The following CRTAM variants were observed in gnomAD, a reference collection of about 807,000 sequenced individuals.
CRTAM encodes cytotoxic and regulatory T-cell molecule.
CRTAM carries 44 observed loss-of-function variants against 50.0 expected under a neutral mutation model. The observed-to-expected ratio is 0.88, with a 90% CI of 0.69 to 1.13. The LOEUF is 1.13. CRTAM is among the 50% of genes most tolerant of loss of function. CRTAM has a pLI of 0.00. For missense variants in CRTAM, 448 were observed against 457.5 expected, an observed-to-expected ratio of 0.98 and a Z score of 0.19; for synonymous variants, 159 against 169.3, an observed-to-expected ratio of 0.94 and a Z score of 0.47.
chr11:122,853,107 G>A (rs558675893), intron 3 of CRTAM, among the ~76,000 whole-genome samples: 114 of 150,696 alleles, frequency 7.6e-4, no homozygotes, highest in African/African-American at 2.6e-3. Context: ...TCTGTTGCCC[G>A]GGCTGGAGTG....
intron 6 of CRTAM, among the ~76,000 whole-genome samples, chr11:122,863,861 T>C (rs2135251244): frequency 6.6e-6 from 1 of 152,182 alleles, no homozygotes; most frequent in African/African-American, 2.4e-5. Flanking sequence ...TTACATTTAA[T>C]ACCCATTTTC....
intron 5 of CRTAM, among the ~76,000 whole-genome samples, chr11:122,856,260 AAC>A (rs1243272556): frequency 3.3e-5 from 5 of 152,244 alleles, no homozygotes; most frequent in African/African-American, 9.6e-5. Context: ...GTGAATATGA[AAC>A]ACACAGATAC....
Position 122,864,719 on chromosome 11 carries a change from GGTAA to G in CRTAM, c.817+3_817+6del, listed in dbSNP as rs1257575512. The G allele has an allele frequency of 1.9e-6, 3 of 1,606,964 alleles. No homozygotes were observed. Among genetic ancestry groups the G allele is most frequent in the African/African-American group, 1.3e-5 (1 of 74,886 alleles). On this transcript the variant is annotated splice_donor_variant and splice_donor_region_variant and intron_variant, in intron 7 of 9. Coordinates refer to ENST00000227348, the MANE Select transcript of CRTAM (RefSeq NM_019604.4). LOFTEE classifies it high-confidence loss of function. Reference sequence around the variant, plus strand: ...CACTCAAGATCCTGACTTGACCACCGGTAAGTGTCACCCACTGCATTTAGAATAA... The same window carrying G: ...CACTCAAGATCCTGACTTGACCACCGGTGTCACCCACTGCATTTAGAATAA...
At chr11:122,846,545 T>C (rs1422463298) in intron 1 of CRTAM, among the ~76,000 whole-genome samples, 1 of 152,070 alleles carries the variant, frequency 6.6e-6, no homozygotes, top group African/African-American at 2.4e-5. Flanking sequence ...CACTTCGGCC[T>C]CCCAAAGTAC....
At chr11:122,848,988 G>C (rs1293732670) in intron 1 of CRTAM, among the ~76,000 whole-genome samples, 1 of 152,096 alleles carries the variant, frequency 6.6e-6, no homozygotes, top group Non-Finnish European at 1.5e-5. Flanking sequence ...AGAACAAATT[G>C]TTCATCATTC....
chr11:122,867,340 AT>A, intron 7 of CRTAM, 68 bp from the exon 8 acceptor site: 1 of 1,330,170 alleles, frequency 7.5e-7, no homozygotes, highest in Non-Finnish European at 1.0e-6. Flanking sequence ...GTATTGTTAC[AT>A]ATTCTCCAGT....
In CRTAM at chr11:122,851,798, A is replaced by T. The variant is rs371737760; in HGVS notation, c.299A>T (p.His100Leu). 1.2e-5 allele frequency: 19 copies of T among 1,614,062 alleles called. No individual in the cohort carries two copies. Among genetic ancestry groups the T allele is most frequent in the Non-Finnish European group, 1.6e-5 (19 of 1,179,998 alleles). Residue 100 changes from histidine to leucine, a missense_variant, in exon 3 of 10, where the codon CAT becomes CTT. Transcript: ENST00000227348. The stretch of plus-strand genomic sequence containing the variant: ...GATGAAGGCGTGTACAAGTGCTTAC[A>T]TTACAGCGACTCTGTAAGCACAAAG... ...LQDEGVYKCLHYSDSVSTKEV... is the reference protein window; with the variant it reads ...LQDEGVYKCLLYSDSVSTKEV...
intron 2 of CRTAM, among the ~76,000 whole-genome samples, chr11:122,851,122 G>A (rs1252477348): frequency 6.6e-6 from 1 of 152,010 alleles, no homozygotes; most frequent in African/African-American, 2.4e-5. Flanking sequence ...AAAATTAGCT[G>A]GGCGTGGTGG....
chr11:122,853,592 G>A (rs1182274711), intron 3 of CRTAM, among the ~76,000 whole-genome samples: 5 of 151,624 alleles, frequency 3.3e-5, no homozygotes, highest in Non-Finnish European at 4.4e-5. Flanking sequence ...AGGTGGAGGC[G>A]GGCGGATCAA....
intron 3 of CRTAM, among the ~76,000 whole-genome samples, chr11:122,852,236 G>C (rs1416322477): frequency 1.3e-5 from 2 of 152,192 alleles, no homozygotes; most frequent in Non-Finnish European, 2.9e-5. Context: ...TGCAAATGAA[G>C]TGGAACCTCA....
chr11:122,861,771 C>T (rs1862085884), intron 5 of CRTAM, among the ~76,000 whole-genome samples: 1 of 152,008 alleles, frequency 6.6e-6, no homozygotes, highest in Non-Finnish European at 1.5e-5. Flanking sequence ...TGTAAAGTGA[C>T]AGGCACAGTT....
intron 7 of CRTAM, among the ~76,000 whole-genome samples, chr11:122,865,276 C>A (rs567643997): frequency 4.6e-5 from 7 of 152,322 alleles, no homozygotes; most frequent in African/African-American, 1.4e-4. Flanking sequence ...CTCCGGTGAT[C>A]TGCCTGCCTC....
chr11:122,851,123 G>A (rs1761316656), intron 2 of CRTAM, among the ~76,000 whole-genome samples: 1 of 152,048 alleles, frequency 6.6e-6, no homozygotes, highest in South Asian at 2.1e-4. Context: ...AAATTAGCTG[G>A]GCGTGGTGGA....
intron 9 of CRTAM, 59 bp downstream of exon 9, chr11:122,868,158 A>C: frequency 1.9e-6 from 2 of 1,055,942 alleles, no homozygotes; most frequent in Non-Finnish European, 2.9e-6. Flanking sequence ...TATTAGTCAG[A>C]TTTCTCCAGA....
In CRTAM at chr11:122,855,812, T is replaced by C; in HGVS notation, c.608T>C (p.Leu203Pro). Residue 203 changes from leucine (L) to proline (P), a missense_variant, in exon 5 of 10, where the codon CTG (leucine) becomes CCG (proline). Physicochemically the swap from Leu to Pro is moderately conservative, Grantham distance 98 (BLOSUM62 -3). Transcript: ENST00000227348. The part of the protein sequence containing the change: ...TVDCIIRHRG[L>P]QGRKLVAPFR... ...GACTGCATTATCCGACACAGAGGCC[T>C]GCAAGGGAGAAAACTAGTAGCACCC... 1 of 1,614,134 alleles carries C rather than the reference T, an allele frequency of 6.2e-7. No individual in the cohort carries two copies. The highest frequency in any genetic ancestry group is 8.5e-7 in the Non-Finnish European group (1 of 1,179,946).
chr11:122,868,097 A>C lies in CRTAM; in HGVS notation c.1049A>C (p.Gln350Pro). 1 of 1,590,974 alleles carries C rather than the reference A, an allele frequency of 6.3e-7. No individual in the cohort carries two copies. Among genetic ancestry groups the C allele is most frequent in the Non-Finnish European group, 8.6e-7 (1 of 1,159,172 alleles). ...ACATCATCTGAAGAGAAAAATGGCC[A>C]ATGTAAGTCAACTGTATGACCTGAG... is the stretch of plus-strand genomic sequence containing the variant. ...EETSSEEKNGQSSHPMRCMNY... is the reference protein window; with the variant it reads ...EETSSEEKNGPSSHPMRCMNY... The change falls in exon 9 of 10, where the codon CAA (glutamine) becomes CCA (proline). Residue 350 changes from glutamine to proline, a missense_variant and splice_region_variant. Transcript: ENST00000227348.
intron 1 of CRTAM, among the ~76,000 whole-genome samples, chr11:122,840,081 A>C (rs1197530353): frequency 6.6e-6 from 1 of 152,230 alleles, no homozygotes; most frequent in Non-Finnish European, 1.5e-5. Context: ...CACTGACCTT[A>C]ACTTTTTCAG....
At chr11:122,841,557 C>T (rs573949213) in intron 1 of CRTAM, among the ~76,000 whole-genome samples, 1 of 152,044 alleles carries the variant, frequency 6.6e-6, no homozygotes, top group African/African-American at 2.4e-5. Flanking sequence ...CCCGCCACCA[C>T]TCCTGGCTAA....
chr11:122,862,601 T>C lies in CRTAM; in HGVS notation c.733+57T>C, dbSNP rs1862101626. ...AAAAAATCACGTTTCCTTGGGAAGGTTATTTTTCTCATTCTAAGTTTTAAG... is the reference window on the plus strand; with the variant it reads ...AAAAAATCACGTTTCCTTGGGAAGGCTATTTTTCTCATTCTAAGTTTTAAG... On this transcript the variant is annotated intron_variant, in intron 6 of 9. Transcript: ENST00000227348. The C allele has an allele frequency of 2.2e-5, 25 of 1,113,772 alleles. No homozygotes were observed. The South Asian group carries it at 3.4e-4, about 15-fold the overall frequency. 69.0% of individuals were successfully genotyped at this position (1,113,772 alleles called of 1,614,324 possible).
Sources: allele counts gnomAD v4.1 joint callset (sites outside exome capture counted in the v4.1 genomes callset), GRCh38; gene constraint gnomAD v4.1.1; transcripts MANE v1.5; gene names NCBI Gene and HGNC (gene_info 2026-07-23, HGNC 2026-07-21).